Variants in EBF2 observed in about 807,000 individuals in gnomAD.
EBF2 encodes the protein EBF transcription factor 2, also known as transcription factor COE2.
A neutral mutation model predicts 72.8 loss-of-function variants in EBF2; 21 were observed. That is an observed-to-expected ratio of 0.29 (90% CI 0.20 to 0.42). The LOEUF (loss-of-function observed/expected upper bound fraction) is 0.42, where lower values mean the gene tolerates loss of function less well. Among genes scored for constraint, EBF2 ranks in the 10% least tolerant of loss-of-function variants. The pLI, the probability that EBF2 is intolerant of heterozygous loss-of-function variation, is 1.00. For synonymous variants in EBF2, 299 were observed against 274.2 expected, an observed-to-expected ratio of 1.09 and a Z score of -0.89; for missense variants, 637 against 731.2, an observed-to-expected ratio of 0.87 and a Z score of 1.49.
chr8:25,916,656 CAT>C (rs754837657), intron 6 of EBF2, among the ~76,000 whole-genome samples: 23 of 152,232 alleles, frequency 1.5e-4, no homozygotes, highest in Non-Finnish European at 2.1e-4. Context: ...AAAAACCACA[CAT>C]GTCATTAATC....
intron 6 of EBF2, among the ~76,000 whole-genome samples, chr8:25,960,339 C>G (rs1014920663): frequency 3.3e-5 from 5 of 152,234 alleles, no homozygotes; most frequent in Non-Finnish European, 7.3e-5. Flanking sequence ...GCTCTCTTCA[C>G]AGAGCTCAGC....
At chr8:25,870,877 C>T (rs1245221955) in intron 10 of EBF2, among the ~76,000 whole-genome samples, 1 of 151,832 alleles carries the variant, frequency 6.6e-6, no homozygotes, top group Non-Finnish European at 1.5e-5. Flanking sequence ...TCGTGTGCAT[C>T]CAAGTGAGAG....
At position 26,040,587 on chromosome 8, in the gene EBF2, G is replaced by A. The variant is rs1241789581; in HGVS notation, c.408+29C>T. The A allele has an allele frequency of 6.5e-6, 10 of 1,549,822 alleles. No homozygotes were observed. In the East Asian group the frequency reaches 9.8e-5, roughly 15 times the overall value. ...TTGGGGGTCGGGGTCAGAGACAGGCGAAGAGAAGCCAAGTGGCCTCCGGCT... is the reference window on the plus strand; with the variant it reads ...TTGGGGGTCGGGGTCAGAGACAGGCAAAGAGAAGCCAAGTGGCCTCCGGCT... On this transcript the variant is annotated intron_variant, in intron 4 of 15. Coordinates refer to ENST00000520164, the MANE Select transcript of EBF2 (RefSeq NM_022659.4).
chr8:25,993,276 T>G (rs1804574166), intron 6 of EBF2, among the ~76,000 whole-genome samples: 1 of 152,186 alleles, frequency 6.6e-6, no homozygotes, highest in Non-Finnish European at 1.5e-5. Context: ...TTTTAAGCAC[T>G]TTGCAAATGC....
At chr8:26,013,410 G>T (rs540784737) in intron 6 of EBF2, among the ~76,000 whole-genome samples, 1 of 152,046 alleles carries the variant, frequency 6.6e-6, no homozygotes, top group Admixed American at 6.6e-5. Context: ...ATACTTGCTG[G>T]GTGCCTGCTC....
At chr8:25,888,082 A>G in intron 8 of EBF2, 110 bp from the exon 9 acceptor site, 1 of 1,243,642 alleles carries the variant, frequency 8.0e-7, no homozygotes, top group Non-Finnish European at 1.1e-6. Flanking sequence ...CGTATAAAAT[A>G]CACTAATGCT....
At chr8:26,038,730 C>T (rs1490470903) in intron 5 of EBF2, among the ~76,000 whole-genome samples, 8 of 152,192 alleles carry the variant, frequency 5.3e-5, no homozygotes, top group Non-Finnish European at 1.0e-4. Context: ...CAATGCCTTC[C>T]CCCCAGCTAC....
chr8:25,852,752 C>T (rs1348903225), intron 14 of EBF2, among the ~76,000 whole-genome samples: 3 of 152,182 alleles, frequency 2.0e-5, no homozygotes, highest in Non-Finnish European at 4.4e-5. Flanking sequence ...ATGCATTCAA[C>T]TGAATTTAAA....
Position 25,861,157 on chromosome 8 carries a change from G to C in EBF2, c.1234C>G (p.Leu412Val), listed in dbSNP as rs375222491. Residue 412 changes from leucine (L) to valine (V), a missense_variant, in exon 13 of 16, where the codon CTT becomes GTT. Coordinates refer to ENST00000520164, the MANE Select transcript of EBF2 (RefSeq NM_022659.4). ...GCTGGGGAGCTAGAGAGGGCTGGAA[G>C]CTGGCTGGGATTCCTGGGGACGCTG... Reference protein sequence around the residue: ...LYSVPRNPSQLPALSSSPAHS... With the variant: ...LYSVPRNPSQVPALSSSPAHS... 3.7e-6 allele frequency: 6 copies of C among 1,614,160 alleles called. No homozygotes were observed. The highest frequency in any genetic ancestry group is 1.7e-5 in the Admixed American group (1 of 60,018).
Position 25,859,804 on chromosome 8 carries a change from C to T in EBF2, c.1342+1245G>A, listed in dbSNP as rs149214157. On this transcript the variant is annotated intron_variant, in intron 13 of 15. Transcript: ENST00000520164. ...CAGTCATGGCTCACTGCAGCTTCAA[C>T]CTCCTGGACTCAATCTATCCTCCCA... 4.3e-4 allele frequency among the ~76,000 whole-genome samples: 65 copies of T among 151,442 alleles called. 1 individual carries two copies. Among genetic ancestry groups the T allele is most frequent in the African/African-American group, 1.5e-3 (60 of 41,156 alleles).
intron 6 of EBF2, among the ~76,000 whole-genome samples, chr8:25,963,274 T>A (rs1804063120): frequency 6.6e-6 from 1 of 152,200 alleles, no homozygotes; most frequent in Non-Finnish European, 1.5e-5. Context: ...GCCTTTGGCC[T>A]CTGCATCTCA....
chr8:25,938,072 C>T (rs1301412430), intron 6 of EBF2, among the ~76,000 whole-genome samples: 2 of 152,080 alleles, frequency 1.3e-5, no homozygotes, highest in African/African-American at 2.4e-5. Context: ...TAGTTTGTGG[C>T]ATGGAATATT....
At chr8:25,891,098 C>G (rs2117294472) in intron 7 of EBF2, among the ~76,000 whole-genome samples, 1 of 152,232 alleles carries the variant, frequency 6.6e-6, no homozygotes, top group South Asian at 2.1e-4. Context: ...AGGCATGGTC[C>G]CTAACCTAAA....
chr8:25,902,519 A>G (rs1404369667), intron 7 of EBF2, among the ~76,000 whole-genome samples: 2 of 151,842 alleles, frequency 1.3e-5, no homozygotes, highest in Admixed American at 1.3e-4. Flanking sequence ...CATTATTTTA[A>G]TCAATTATTT....
chr8:25,974,666 T>TATAGTAACA (rs1804240316), intron 6 of EBF2, among the ~76,000 whole-genome samples: 1 of 152,156 alleles, frequency 6.6e-6, no homozygotes, highest in African/African-American at 2.4e-5. Context: ...AATATACAAA[T>TATAGTAACA]ATAGTAACAA....
In EBF2 at chr8:26,044,650, G is replaced by T; in HGVS notation, c.131+79C>A. On this transcript the variant is annotated intron_variant, in intron 1 of 15. Coordinates refer to ENST00000520164, the MANE Select transcript of EBF2 (RefSeq NM_022659.4). This position sits in a 1 kb window ranked among gnomAD's most constrained non-coding sequence, Gnocchi z 4.1. Reference sequence around the variant, plus strand: ...GGACAGGGAGAGAGAAAGGCACGGGGTGCGCGGGGGGGGTGCACACGGAGA... The same window carrying T: ...GGACAGGGAGAGAGAAAGGCACGGGTTGCGCGGGGGGGGTGCACACGGAGA... 6.5e-7 allele frequency: 1 copy of T among 1,531,660 alleles called. No homozygotes were observed. The highest frequency in any genetic ancestry group is 8.8e-7 in the Non-Finnish European group (1 of 1,137,402). 94.9% of individuals were successfully genotyped at this position (1,531,660 alleles called of 1,614,324 possible). A position where few individuals can be genotyped will look rare whatever the true frequency, so the allele number is the denominator to read the frequency against.
At chr8:26,023,691 G>T (rs754565274) in intron 6 of EBF2, among the ~76,000 whole-genome samples, 58 of 152,128 alleles carry the variant, frequency 3.8e-4, no homozygotes, top group Admixed American at 2.4e-3. Context: ...GCAGTTCCCC[G>T]CAATGAATCT....
intron 7 of EBF2, 30 bp downstream of exon 7, chr8:25,908,442 ATT>A: frequency 6.6e-7 from 1 of 1,511,572 alleles, no homozygotes; most frequent in South Asian, 1.2e-5. Context: ...AGGATGACTT[ATT>A]TAACAGGAAA....
chr8:25,938,257 C>T (rs1803612111), intron 6 of EBF2, among the ~76,000 whole-genome samples: 1 of 151,590 alleles, frequency 6.6e-6, no homozygotes. Flanking sequence ...GATCAGAATT[C>T]CCTAATTCCC....
Sources: allele counts gnomAD v4.1 joint callset (sites outside exome capture counted in the v4.1 genomes callset), GRCh38; gene constraint gnomAD v4.1.1; non-coding constraint Gnocchi (gnomAD v3.1); transcripts MANE v1.5; gene names NCBI Gene and HGNC (gene_info 2026-07-23, HGNC 2026-07-21).